The following SGSM1 variants were observed in gnomAD, a reference collection of about 807,000 sequenced individuals.
SGSM1 encodes the protein small G protein signaling modulator 1, also known as RUN and TBC1 domain containing 2.
Under a neutral mutation model 133.8 loss-of-function variants are expected in SGSM1, and 73 were observed. The ratio of observed to expected loss-of-function variants is 0.55; its 90% CI spans 0.45 to 0.66. The LOEUF (loss-of-function observed/expected upper bound fraction) is 0.66. Among genes scored for constraint, SGSM1 ranks in the 30% least tolerant of loss-of-function variants. SGSM1 has a pLI of 0.00. For synonymous variants in SGSM1, 563 were observed against 573.0 expected (o/e 0.98, Z 0.25); for missense variants, 1,213 against 1,448.1 (o/e 0.84, Z 2.64).
At chr22:24,907,911 C>CAAAAAA (rs796505229) in intron 21 of SGSM1, among the ~76,000 whole-genome samples, 73 of 56,890 alleles carry the variant, frequency 1.3e-3, no homozygotes, top group Non-Finnish European at 1.7e-3. Context: ...GACGCCATCT[C>CAAAAAA]AAAAAAAAAA....
At chr22:24,851,449 G>GGGAGA (rs1555925285) in intron 5 of SGSM1, among the ~76,000 whole-genome samples, 35 of 112,866 alleles carry the variant, frequency 3.1e-4, no homozygotes, top group East Asian at 1.4e-3. Context: ...GGGGGTGGGG[G>GGGAGA]GAGAGAGAGA....
chr22:24,854,791 G>C (rs944883521), intron 5 of SGSM1, among the ~76,000 whole-genome samples: 1 of 152,142 alleles, frequency 6.6e-6, no homozygotes, highest in Non-Finnish European at 1.5e-5. Context: ...ACTCCAGCCT[G>C]TGTGACAGAG....
At chr22:24,867,354 A>C (rs745789710) in intron 10 of SGSM1, among the ~76,000 whole-genome samples, 194 bp downstream of exon 10, 1 of 152,124 alleles carries the variant, frequency 6.6e-6, no homozygotes, top group Non-Finnish European at 1.5e-5. Context: ...TTATAACAGG[A>C]CCCTCTCATG....
intron 16 of SGSM1, among the ~76,000 whole-genome samples, chr22:24,891,042 G>A (rs536267773): frequency 2.6e-5 from 4 of 152,322 alleles, no homozygotes; most frequent in Admixed American, 2.6e-4. Flanking sequence ...ATTAAATGGT[G>A]TAATTCTGTT....
At chr22:24,849,591 C>T (rs924278315) in intron 4 of SGSM1, among the ~76,000 whole-genome samples, 5 of 152,164 alleles carry the variant, frequency 3.3e-5, no homozygotes, top group African/African-American at 7.2e-5. Flanking sequence ...GATTTCATAT[C>T]CTCAAGATCA....
chr22:24,909,079 G>A (rs1933522472), intron 21 of SGSM1, among the ~76,000 whole-genome samples: 2 of 152,122 alleles, frequency 1.3e-5, no homozygotes, highest in Non-Finnish European at 2.9e-5. Context: ...ATAGGAGCGT[G>A]AACCCTATTG....
At chr22:24,880,889 A>G (rs1837556320) in intron 14 of SGSM1, among the ~76,000 whole-genome samples, 1 of 152,188 alleles carries the variant, frequency 6.6e-6, no homozygotes, top group African/African-American at 2.4e-5. Flanking sequence ...AGTTTACCCC[A>G]TCTATAAGAT....
intron 24 of SGSM1, 73 bp downstream of exon 24, chr22:24,920,066 A>G: frequency 6.8e-7 from 1 of 1,478,878 alleles, no homozygotes; most frequent in Non-Finnish European, 9.1e-7. Flanking sequence ...CTCAGGAGGA[A>G]TGAAGATGGG....
chr22:24,850,916 T>C (rs906552912), intron 5 of SGSM1, among the ~76,000 whole-genome samples: 2 of 152,014 alleles, frequency 1.3e-5, no homozygotes, highest in Non-Finnish European at 2.9e-5. Context: ...ACTAATGCGG[T>C]GAAACCCCGT....
At chr22:24,828,318 A>G (rs995474973) in intron 2 of SGSM1, among the ~76,000 whole-genome samples, 6 of 152,142 alleles carry the variant, frequency 3.9e-5, no homozygotes, top group East Asian at 1.9e-4. Context: ...CAGTTTATAC[A>G]CCTTTAAAAT....
intron 18 of SGSM1, among the ~76,000 whole-genome samples, chr22:24,896,831 G>A (rs1023766999): frequency 2.0e-5 from 3 of 151,838 alleles, no homozygotes; most frequent in Non-Finnish European, 4.4e-5. Context: ...ACAAAAACTA[G>A]CTGGGCATGG....
chr22:24,896,554 T>A (rs2123699704), intron 18 of SGSM1, among the ~76,000 whole-genome samples: 1 of 152,126 alleles, frequency 6.6e-6, no homozygotes, highest in South Asian at 2.1e-4. Context: ...TATATCTAAC[T>A]TGAAAAATTG....
At chr22:24,884,608 T>G (rs1192239208) in intron 15 of SGSM1, among the ~76,000 whole-genome samples, 1 of 152,044 alleles carries the variant, frequency 6.6e-6, no homozygotes, top group Non-Finnish European at 1.5e-5. Flanking sequence ...AATAGAAAAA[T>G]TAGCTTGCCA....
intron 22 of SGSM1, 148 bp from the exon 23 acceptor site, chr22:24,917,510 A>G (rs1933861330): frequency 9.1e-6 from 5 of 551,196 alleles, no homozygotes; most frequent in Non-Finnish European, 1.6e-5. Context: ...ACAAATGTCT[A>G]TTCAGATCTT....
Position 24,886,728 on chromosome 22 carries a change from G to A in SGSM1, c.1770G>A (p.Glu590=). 1 of 1,583,942 alleles carries A rather than the reference G, an allele frequency of 6.3e-7. No homozygotes were observed. The highest frequency in any genetic ancestry group is 8.6e-7 in the Non-Finnish European group (1 of 1,165,204). Residue 590 remains glutamate, a splice_region_variant and synonymous_variant, in exon 16 of 25, where the codon GAG becomes GAA. Transcript: ENST00000400358. ...QFGMTETERK[E]VDEQIHACYA... ...GGATGACGGAAACAGAAAGGAAAGAGGTCGGTTACCTGCCATGGGCACTGG... is the reference window on the plus strand; with the variant it reads ...GGATGACGGAAACAGAAAGGAAAGAAGTCGGTTACCTGCCATGGGCACTGG...
At chr22:24,890,771 T>C (rs1932801668) in intron 16 of SGSM1, among the ~76,000 whole-genome samples, 3 of 152,152 alleles carry the variant, frequency 2.0e-5, no homozygotes, top group African/African-American at 4.8e-5. Context: ...CTTGAACTTC[T>C]GACTTTGTGA....
At chr22:24,900,559 G>T (rs369090492) in intron 19 of SGSM1, among the ~76,000 whole-genome samples, 1 of 151,730 alleles carries the variant, frequency 6.6e-6, no homozygotes. Flanking sequence ...ACCCACGCCC[G>T]GCTGATTTTG....
intron 19 of SGSM1, among the ~76,000 whole-genome samples, 168 bp downstream of exon 19, chr22:24,898,727 C>G (rs1026445961): frequency 6.6e-6 from 1 of 151,830 alleles, no homozygotes; most frequent in African/African-American, 2.4e-5. Context: ...GAGAAGATAA[C>G]GTAGCATTTA....
At chr22:24,900,104 C>A (rs890263135) in intron 19 of SGSM1, among the ~76,000 whole-genome samples, 1 of 151,504 alleles carries the variant, frequency 6.6e-6, no homozygotes, top group Non-Finnish European at 1.5e-5. Context: ...GCAGCCTTCA[C>A]CTCCTGGGCT....
Sources: gnomAD v4.1 joint callset for allele counts (sites outside exome capture counted in the v4.1 genomes callset) on GRCh38, gnomAD v4.1.1 for gene constraint, MANE v1.5 for transcripts, NCBI Gene and HGNC (gene_info 2026-07-23, HGNC 2026-07-21) for gene names.